CDKAL1: variants seen among roughly 807,000 people sequenced by gnomAD.
CDKAL1 encodes threonylcarbamoyladenosine tRNA methylthiotransferase.
A neutral mutation model predicts 68.2 loss-of-function variants in CDKAL1; 32 were observed. The ratio of observed to expected loss-of-function variants is 0.47; its 90% CI spans 0.35 to 0.63. The LOEUF is 0.63. CDKAL1 is among the 30% of genes least tolerant of loss of function. The probability of loss-of-function intolerance (pLI) is 0.00; values close to 1 mark genes in which losing one functional copy is unlikely to be tolerated. For synonymous variants in CDKAL1, 234 were observed against 244.3 expected, an observed-to-expected ratio of 0.96 and a Z score of 0.39; for missense variants, 606 against 696.7, an observed-to-expected ratio of 0.87 and a Z score of 1.47.
chr6:20,613,045 A>ACACACAC (rs1561966445), intron 4 of CDKAL1, among the ~76,000 whole-genome samples: 1 of 128,384 alleles, frequency 7.8e-6, no homozygotes, highest in Non-Finnish European at 1.6e-5. Context: ...ACACACACAC[A>ACACACAC]AAGGGTATGG....
intron 13 of CDKAL1, among the ~76,000 whole-genome samples, chr6:21,153,235 C>CT (rs1162272560): frequency 0.093 from 8,900 of 96,174 alleles, 433 homozygotes; most frequent in East Asian, 0.31. Flanking sequence ...TATGTGATTT[C>CT]TTTTTTTTTT....
intron 11 of CDKAL1, among the ~76,000 whole-genome samples, chr6:21,041,245 G>GT (rs1382844894): frequency 6.6e-6 from 1 of 152,138 alleles, no homozygotes; most frequent in Admixed American, 6.5e-5. Flanking sequence ...GAGTGCAAAA[G>GT]GAAACAGGTG....
At chr6:20,871,916 G>C (rs762450098) in intron 9 of CDKAL1, among the ~76,000 whole-genome samples, 3 of 152,028 alleles carry the variant, frequency 2.0e-5, no homozygotes, top group Non-Finnish European at 4.4e-5. Context: ...CTCCTTACCT[G>C]TGAACAAGGA....
At chr6:20,616,160 A>C (rs1186274557) in intron 4 of CDKAL1, among the ~76,000 whole-genome samples, 2 of 151,852 alleles carry the variant, frequency 1.3e-5, no homozygotes, top group South Asian at 2.1e-4. Context: ...TGGTACTAGT[A>C]CCATGCTGTT....
intron 5 of CDKAL1, among the ~76,000 whole-genome samples, chr6:20,707,680 A>C (rs1485668834): frequency 6.6e-6 from 1 of 152,242 alleles, no homozygotes; most frequent in Non-Finnish European, 1.5e-5. Context: ...GCCATCTTCC[A>C]TGATCAAGAA....
intron 4 of CDKAL1, among the ~76,000 whole-genome samples, chr6:20,634,071 T>G (rs79378033): frequency 3.9e-5 from 6 of 152,354 alleles, no homozygotes; most frequent in Non-Finnish European, 8.8e-5. Context: ...CCTGGAAATG[T>G]ACCATTCTGA....
chr6:20,930,428 T>C (rs562248356), intron 9 of CDKAL1, among the ~76,000 whole-genome samples: 1 of 152,248 alleles, frequency 6.6e-6, no homozygotes, highest in Non-Finnish European at 1.5e-5. Flanking sequence ...TATGCCACAA[T>C]TATCCTTTTT....
At chr6:20,940,328 A>G (rs1245784671) in intron 9 of CDKAL1, among the ~76,000 whole-genome samples, 1 of 152,182 alleles carries the variant, frequency 6.6e-6, no homozygotes, top group Non-Finnish European at 1.5e-5. Context: ...TTATTAATAT[A>G]TTTCTATTAT....
intron 3 of CDKAL1, 40 bp from the exon 4 acceptor site, chr6:20,548,553 A>G (rs763620493): frequency 4.3e-6 from 4 of 940,628 alleles, no homozygotes; most frequent in Non-Finnish European, 6.8e-6. Context: ...AAAATCACTC[A>G]ATGAAACTTA....
chr6:21,200,357 C>G (rs143616134), intron 14 of CDKAL1, among the ~76,000 whole-genome samples: 79 of 152,272 alleles, frequency 5.2e-4, no homozygotes, highest in Admixed American at 2.8e-3. Flanking sequence ...AAACACATGC[C>G]TTTTCTAACA....
intron 12 of CDKAL1, among the ~76,000 whole-genome samples, chr6:21,093,854 G>A (rs966628038): frequency 1.7e-4 from 25 of 149,108 alleles, no homozygotes; most frequent in African/African-American, 6.2e-4. Context: ...TTAGCCTCCT[G>A]AGTAGCTGGG....
intron 13 of CDKAL1, among the ~76,000 whole-genome samples, chr6:21,173,518 A>T (rs1470596377): frequency 4.6e-5 from 7 of 152,348 alleles, no homozygotes; most frequent in African/African-American, 1.7e-4. Context: ...ACATGCATTG[A>T]CACTCATTGA....
intron 13 of CDKAL1, among the ~76,000 whole-genome samples, chr6:21,110,122 A>G (rs529977770): frequency 8.9e-4 from 135 of 152,294 alleles, no homozygotes; most frequent in African/African-American, 3.2e-3. Context: ...AAGATTGGTA[A>G]TAAATTATTG....
chr6:21,168,077 A>C (rs1161876355), intron 13 of CDKAL1, among the ~76,000 whole-genome samples: 1 of 152,222 alleles, frequency 6.6e-6, no homozygotes, highest in Non-Finnish European at 1.5e-5. Context: ...GTAGTCAAAG[A>C]CTGCAGTTGA....
At chr6:20,766,648 A>G (rs537242969) in intron 7 of CDKAL1, among the ~76,000 whole-genome samples, 4 of 152,316 alleles carry the variant, frequency 2.6e-5, no homozygotes, top group African/African-American at 7.2e-5. Context: ...CTAAAAATGT[A>G]TTATCATTTA....
intron 9 of CDKAL1, among the ~76,000 whole-genome samples, chr6:20,868,380 A>C (rs1304901030): frequency 1.3e-5 from 2 of 152,204 alleles, no homozygotes; most frequent in Non-Finnish European, 2.9e-5. Flanking sequence ...ATTGTAATTT[A>C]CACACTAGGT....
chr6:21,080,577 C>G (rs1772332867), intron 12 of CDKAL1, among the ~76,000 whole-genome samples: 1 of 152,176 alleles, frequency 6.6e-6, no homozygotes, highest in East Asian at 1.9e-4. Flanking sequence ...TTTCAGGATC[C>G]CAACCTTTTC....
At chr6:20,689,171 T>C (rs1770761912) in intron 5 of CDKAL1, among the ~76,000 whole-genome samples, 1 of 152,186 alleles carries the variant, frequency 6.6e-6, no homozygotes, top group African/African-American at 2.4e-5. Context: ...ACCTTTCCCC[T>C]ACTGGAAGCA....
In CDKAL1 at chr6:20,888,527, C is replaced by CA. The variant is rs1761209546; in HGVS notation, c.742+42350dup. ...TAATGCTATCCCTCCCCCCTCCCCCCACCCCACAACAGTCCCCGGTGTGTG... is the reference window on the plus strand; with the variant it reads ...TAATGCTATCCCTCCCCCCTCCCCCCAACCCCACAACAGTCCCCGGTGTGTG... On this transcript the variant is annotated intron_variant, in intron 9 of 15. Transcript: ENST00000274695. 1.7e-5 allele frequency among the ~76,000 whole-genome samples: 2 copies of CA among 115,256 alleles called. 1 individual carries two copies. Among genetic ancestry groups the CA allele is most frequent in the African/African-American group, 6.4e-5 (2 of 31,188 alleles). 75.6% of individuals were successfully genotyped at this position (115,256 alleles called of 152,430 possible).
Sources: allele counts gnomAD v4.1 joint callset (sites outside exome capture counted in the v4.1 genomes callset), GRCh38; gene constraint gnomAD v4.1.1; transcripts MANE v1.5; gene names NCBI Gene and HGNC (gene_info 2026-07-23, HGNC 2026-07-21).